The following GNG4 variants were observed in gnomAD, a reference collection of about 807,000 sequenced individuals.
The protein encoded by GNG4 is G protein subunit gamma 4.
Under a neutral mutation model 5.8 loss-of-function variants are expected in GNG4, and 4 were observed. That is an observed-to-expected ratio of 0.69 (90% CI 0.34 to 1.57). GNG4 has a LOEUF of 1.57. Among genes scored for constraint, GNG4 ranks in the 40% most tolerant of loss-of-function variants. The pLI, the probability that GNG4 is intolerant of heterozygous loss-of-function variation, is 0.06. For missense variants in GNG4, 96 were observed against 95.1 expected (o/e 1.01, Z -0.04); for synonymous variants, 29 against 32.9 (o/e 0.88, Z 0.41).
intron 2 of GNG4, among the ~76,000 whole-genome samples, chr1:235,589,653 C>T (rs949979494): frequency 2.6e-5 from 4 of 152,078 alleles, no homozygotes; most frequent in Non-Finnish European, 5.9e-5. Context: ...AATGGGACAT[C>T]AGGGGAAATC....
rs538548283 is a variant in GNG4 at position 235,561,409 on chromosome 1, TA to T, written c.100-9173del. 1.4e-3 allele frequency among the ~76,000 whole-genome samples: 205 copies of T among 145,990 alleles called. 2 individuals carry two copies. Among genetic ancestry groups the T allele is most frequent in the African/African-American group, 5.5e-3 (195 of 35,654 alleles). ...TGCACGCGCTCGCGCTCTCTCTCTC[TA>T]TATATATACATTTTTTTTTTCTAGA... is the stretch of plus-strand genomic sequence containing the variant. On this transcript the variant is annotated intron_variant, in intron 3 of 3. Transcript: ENST00000391854.
chr1:235,643,095 T>C (rs375154226), intron 1 of GNG4, among the ~76,000 whole-genome samples: 4 of 152,154 alleles, frequency 2.6e-5, no homozygotes, highest in African/African-American at 7.2e-5. Context: ...GCCCCACGCC[T>C]CCGACCTTCC....
At chr1:235,574,310 G>T (rs7554611) in intron 3 of GNG4, among the ~76,000 whole-genome samples, 4,630 of 152,194 alleles carry the variant, frequency 0.03, 241 homozygotes, top group African/African-American at 0.1. Flanking sequence ...GGCAGAGATT[G>T]CAGTGAGCCA....
At chr1:235,646,733 A>T (rs956636403) in intron 1 of GNG4, among the ~76,000 whole-genome samples, 4 of 152,100 alleles carry the variant, frequency 2.6e-5, no homozygotes, top group Non-Finnish European at 4.4e-5. Context: ...CTGTCTACCA[A>T]TTTCCAGCAG....
Position 235,644,741 on chromosome 1 carries a change from G to C in GNG4, c.-123+4921C>G, listed in dbSNP as rs1338091006. 6.6e-6 allele frequency among the ~76,000 whole-genome samples: 1 copy of C among 152,240 alleles called. No individual in the cohort carries two copies. The highest frequency in any genetic ancestry group is 1.5e-5 in the Non-Finnish European group (1 of 68,036). ...CTCGTTTAGTCGGCCACAGGCTAGG[G>C]GCAGCGGAAAGGCCCTGCTGGAAAT... is the stretch of plus-strand genomic sequence containing the variant. On this transcript the variant is annotated intron_variant, in intron 1 of 3. Coordinates refer to ENST00000391854, the MANE Select transcript of GNG4 (RefSeq NM_001098722.2). This position sits in a 1 kb window ranked among gnomAD's most constrained non-coding sequence, Gnocchi z 5.9.
chr1:235,621,952 C>T (rs1387664365), intron 1 of GNG4, among the ~76,000 whole-genome samples: 1 of 152,172 alleles, frequency 6.6e-6, no homozygotes, highest in African/African-American at 2.4e-5. Context: ...GCTGGGATTA[C>T]AGGCATGAGC....
At chr1:235,622,120 T>C (rs1240525711) in intron 1 of GNG4, among the ~76,000 whole-genome samples, 1 of 152,252 alleles carries the variant, frequency 6.6e-6, no homozygotes, top group Non-Finnish European at 1.5e-5. Context: ...AAAATCAGCA[T>C]TTAATGGTAT....
At chr1:235,601,615 C>A (rs1688260094) in intron 1 of GNG4, among the ~76,000 whole-genome samples, 1 of 152,206 alleles carries the variant, frequency 6.6e-6, no homozygotes, top group African/African-American at 2.4e-5. Context: ...AGAACCCATG[C>A]TCCCCTTCCT....
intron 3 of GNG4, among the ~76,000 whole-genome samples, chr1:235,555,173 T>C (rs1317152367): frequency 6.6e-6 from 1 of 152,168 alleles, no homozygotes; most frequent in African/African-American, 2.4e-5. Context: ...GGATCCATGA[T>C]GAGAGGCCAG....
intron 1 of GNG4, among the ~76,000 whole-genome samples, chr1:235,643,772 C>G (rs957690893): frequency 6.6e-6 from 1 of 152,224 alleles, no homozygotes; most frequent in African/African-American, 2.4e-5. Context: ...CCTAGAATGG[C>G]AAATCCATGA....
At chr1:235,624,540 G>T (rs1688772722) in intron 1 of GNG4, among the ~76,000 whole-genome samples, 1 of 152,142 alleles carries the variant, frequency 6.6e-6, no homozygotes, top group Non-Finnish European at 1.5e-5. Flanking sequence ...AAAGACAAAA[G>T]CTGTCATATT....
At chr1:235,579,540 G>A (rs536673451) in intron 3 of GNG4, among the ~76,000 whole-genome samples, 7 of 152,042 alleles carry the variant, frequency 4.6e-5, no homozygotes, top group Non-Finnish European at 1.0e-4. Flanking sequence ...TGTAAGCAGC[G>A]TGACAGTTCC....
At chr1:235,556,556 C>CAAA (rs35257216) in intron 3 of GNG4, among the ~76,000 whole-genome samples, 5 of 87,398 alleles carry the variant, frequency 5.7e-5, no homozygotes, top group Admixed American at 1.3e-4. Flanking sequence ...GACTCTGTCT[C>CAAA]AAAAAAAAAA....
chr1:235,560,033 ACTAT>A (rs1371002435), intron 3 of GNG4, among the ~76,000 whole-genome samples: 2 of 152,318 alleles, frequency 1.3e-5, no homozygotes, highest in East Asian at 3.9e-4. Context: ...CATCTGACTG[ACTAT>A]CTCTCAGTTT....
intron 1 of GNG4, among the ~76,000 whole-genome samples, chr1:235,608,928 C>T (rs1362892117): frequency 2.0e-5 from 3 of 152,258 alleles, no homozygotes; most frequent in African/African-American, 7.2e-5. Context: ...AGGTGATCCA[C>T]CCGCCTCGGC....
At chr1:235,628,041 G>A (rs964687253) in intron 1 of GNG4, among the ~76,000 whole-genome samples, 7 of 152,122 alleles carry the variant, frequency 4.6e-5, no homozygotes, top group South Asian at 2.1e-4. Flanking sequence ...TTAGCTGGGC[G>A]TGGTGGCACA....
chr1:235,551,763 TA>T lies in GNG4; in HGVS notation c.*345del, dbSNP rs112314596. The T allele has an allele frequency of 0.032, 5,049 of 157,122 alleles. 259 individuals are homozygous for T. Among genetic ancestry groups the T allele is most frequent in the African/African-American group, 0.11 (4,599 of 41,488 alleles). The allele number at this position is 157,122 out of a possible 1,614,324, so 9.7% of individuals were successfully genotyped here. ...GGATATTTAGGCATAGTTTTTTTTT[TA>T]AAATAAATTATCCACTGAAATGTAT... On this transcript the variant is annotated 3_prime_UTR_variant, in exon 4 of 4. Transcript: ENST00000391854.
At chr1:235,592,111 T>C (rs978018805) in intron 2 of GNG4, among the ~76,000 whole-genome samples, 14 of 152,154 alleles carry the variant, frequency 9.2e-5, no homozygotes, top group African/African-American at 3.1e-4. Context: ...CTCTGAGTTG[T>C]TTTTCAGAAA....
At chr1:235,587,191 G>T (rs1255343607) in intron 2 of GNG4, among the ~76,000 whole-genome samples, 2 of 146,704 alleles carry the variant, frequency 1.4e-5, no homozygotes, top group East Asian at 4.2e-4. Context: ...GGGTGAGTGT[G>T]TGTGACAGAA....
Sources: allele counts gnomAD v4.1 joint callset (sites outside exome capture counted in the v4.1 genomes callset), GRCh38; gene constraint gnomAD v4.1.1; non-coding constraint Gnocchi (gnomAD v3.1); transcripts MANE v1.5; gene names NCBI Gene and HGNC (gene_info 2026-07-23, HGNC 2026-07-21).